Variants in GNA13 observed in about 807,000 individuals in gnomAD.
GNA13 encodes the protein guanine nucleotide-binding protein subunit alpha-13.
A neutral mutation model predicts 33.5 loss-of-function variants in GNA13; 4 were observed. That is an observed-to-expected ratio of 0.12 (90% CI 0.06 to 0.27). The LOEUF is 0.27. Among genes scored for constraint, GNA13 ranks in the 10% least tolerant of loss-of-function variants. The pLI, the probability that GNA13 is intolerant of heterozygous loss-of-function variation, is 1.00. For synonymous variants in GNA13, 176 were observed against 183.8 expected (o/e 0.96, Z 0.34); for missense variants, 319 against 487.2 (o/e 0.65, Z 3.25).
rs567716067 is a variant in GNA13, at chr17:65,011,408, T to C, written c.*2849A>G. The C allele has an allele frequency of 1.2e-4, 23 of 197,312 alleles. No individual in the cohort carries two copies. Among genetic ancestry groups the C allele is most frequent in the Admixed American group, 1.2e-4 (2 of 16,498 alleles). The allele number at this position is 197,312 out of a possible 1,614,324, so 12.2% of individuals were successfully genotyped here. On this transcript the variant is annotated 3_prime_UTR_variant, in exon 4 of 4. Transcript: ENST00000439174. ...CCAGTGCCCTTTCCAGATAATAAAATTGAAATGAAGATTTCAATTTAATAT... is the reference window on the plus strand; with the variant it reads ...CCAGTGCCCTTTCCAGATAATAAAACTGAAATGAAGATTTCAATTTAATAT...
intron 2 of GNA13, among the ~76,000 whole-genome samples, chr17:65,045,461 C>G (rs1907624410): frequency 7.9e-6 from 1 of 127,126 alleles, no homozygotes; most frequent in African/African-American, 2.9e-5. Flanking sequence ...ATGCAATGAG[C>G]TGGGATCAGG....
At chr17:65,037,686 C>T (rs144831402) in intron 2 of GNA13, among the ~76,000 whole-genome samples, 111 of 139,442 alleles carry the variant, frequency 8.0e-4, no homozygotes, top group African/African-American at 2.8e-3. Flanking sequence ...AATCCCAACA[C>T]ATTGGGAGGC....
chr17:65,048,788 T>G (rs887765567), intron 2 of GNA13, among the ~76,000 whole-genome samples: 1 of 152,228 alleles, frequency 6.6e-6, no homozygotes, highest in Non-Finnish European at 1.5e-5. Context: ...GGCAAAATGT[T>G]AAGTCATGTA....
intron 1 of GNA13, among the ~76,000 whole-genome samples, chr17:65,056,064 C>A (rs766020667): frequency 6.6e-6 from 1 of 151,902 alleles, no homozygotes; most frequent in Non-Finnish European, 1.5e-5. Flanking sequence ...GGGGGAATGG[C>A]CGTGACGCCC....
intron 2 of GNA13, among the ~76,000 whole-genome samples, chr17:65,044,549 C>T (rs1006908002): frequency 6.6e-6 from 1 of 151,864 alleles, no homozygotes; most frequent in Non-Finnish European, 1.5e-5. Flanking sequence ...GCCTGTAGTC[C>T]CAGCACTTTG....
chr17:65,052,255 G>A (rs1907883088), intron 2 of GNA13: 1 of 152,270 alleles, frequency 6.6e-6, no homozygotes, highest in Non-Finnish European at 1.5e-5. Flanking sequence ...CAGAGTTCAA[G>A]CGAGTCTCCT....
At chr17:65,046,003 T>C (rs1226223238) in intron 2 of GNA13, among the ~76,000 whole-genome samples, 1 of 152,190 alleles carries the variant, frequency 6.6e-6, no homozygotes, top group Non-Finnish European at 1.5e-5. Flanking sequence ...CTGCGGTGTC[T>C]ATTCTATTAT....
chr17:65,038,351 C>T (rs1907334814), intron 2 of GNA13, among the ~76,000 whole-genome samples: 1 of 151,372 alleles, frequency 6.6e-6, no homozygotes, highest in Admixed American at 6.6e-5. Context: ...TGCAGTGAGC[C>T]AAGATTGCAC....
chr17:65,033,086 G>T (rs1480973767), intron 2 of GNA13, among the ~76,000 whole-genome samples: 5 of 151,726 alleles, frequency 3.3e-5, no homozygotes, highest in African/African-American at 7.3e-5. Context: ...ACTCTAGCCT[G>T]GGCAACAGAG....
chr17:65,025,528 C>T (rs561323521), intron 2 of GNA13, among the ~76,000 whole-genome samples: 6 of 152,162 alleles, frequency 3.9e-5, no homozygotes, highest in South Asian at 2.1e-4. Flanking sequence ...CTGAGAAGCG[C>T]GGATGGGAAA....
chr17:65,033,496 T>A (rs954488410), intron 2 of GNA13, among the ~76,000 whole-genome samples: 11 of 149,960 alleles, frequency 7.3e-5, no homozygotes, highest in Non-Finnish European at 1.3e-4. Flanking sequence ...TTAAAAAAAA[T>A]AATTAAAAAA....
At position 65,014,844 on chromosome 17, in the gene GNA13, A is replaced by G; in HGVS notation, c.562-15T>C. 6.4e-7 allele frequency: 1 copy of G among 1,563,468 alleles called. No individual in the cohort carries two copies. The highest frequency in any genetic ancestry group is 8.8e-7 in the Non-Finnish European group (1 of 1,142,608). ...GGAATATAATCCTGGAAAAGAAAAA[A>G]CTTGTTTTATACCTATTAATCCCGA... is the stretch of plus-strand genomic sequence containing the variant. On this transcript the variant is annotated splice_polypyrimidine_tract_variant and intron_variant, in intron 3 of 3. Coordinates refer to ENST00000439174, the MANE Select transcript of GNA13 (RefSeq NM_006572.6). This position sits in a 1 kb window ranked among gnomAD's most constrained non-coding sequence, Gnocchi z 5.3.
intron 2 of GNA13, among the ~76,000 whole-genome samples, chr17:65,020,808 G>A (rs527770960): frequency 3.3e-5 from 5 of 151,824 alleles, no homozygotes; most frequent in East Asian, 1.9e-4. Flanking sequence ...GTGCCTCCGC[G>A]CCTGGCTAAT....
At chr17:65,017,660 T>C (rs1003868968) in intron 3 of GNA13, among the ~76,000 whole-genome samples, 1 of 152,148 alleles carries the variant, frequency 6.6e-6, no homozygotes, top group African/African-American at 2.4e-5. Context: ...TAGACTCTCT[T>C]TTCAAGGGCG....
rs928241556 is a variant in GNA13 at position 65,012,285 on chromosome 17, C to A, written c.*1972G>T. ...CCCTCACTGGAGTCAAATGTTTTGG[C>A]CATTCAATTTGCTAAATGTATGGGT... On this transcript the variant is annotated 3_prime_UTR_variant, in exon 4 of 4. Transcript: ENST00000439174. 6 of 222,898 alleles carry A rather than the reference C, an allele frequency of 2.7e-5. No homozygotes were observed. Among genetic ancestry groups the A allele is most frequent in the Non-Finnish European group, 5.4e-5 (6 of 111,684 alleles). The allele number at this position is 222,898 out of a possible 1,614,324, so 13.8% of individuals were successfully genotyped here. A position where few individuals can be genotyped will look rare whatever the true frequency, so the allele number is the denominator to read the frequency against.
At chr17:65,052,433 C>A (rs1907889177) in intron 2 of GNA13, among the ~76,000 whole-genome samples, 1 of 152,250 alleles carries the variant, frequency 6.6e-6, no homozygotes, top group East Asian at 1.9e-4. Context: ...GGATTACAGG[C>A]ATGAGCCACC....
At chr17:65,041,484 C>T (rs903587886) in intron 2 of GNA13, among the ~76,000 whole-genome samples, 1 of 150,972 alleles carries the variant, frequency 6.6e-6, no homozygotes, top group African/African-American at 2.4e-5. Context: ...TAAGATCTCA[C>T]AAAAAACATG....
At chr17:65,040,125 C>T (rs1907401032) in intron 2 of GNA13, among the ~76,000 whole-genome samples, 1 of 150,634 alleles carries the variant, frequency 6.6e-6, no homozygotes, top group East Asian at 1.9e-4. Flanking sequence ...GCCAACTGTG[C>T]AAAATACTGT....
intron 2 of GNA13, 139 bp from the exon 3 acceptor site, chr17:65,018,442 T>C: frequency 1.6e-6 from 1 of 634,030 alleles, no homozygotes; most frequent in South Asian, 1.9e-5. Flanking sequence ...CAGCTAACCT[T>C]CCTAAAAACA....
Sources: gnomAD v4.1 joint callset for allele counts (sites outside exome capture counted in the v4.1 genomes callset) on GRCh38, gnomAD v4.1.1 for gene constraint, Gnocchi (gnomAD v3.1) non-coding constraint, MANE v1.5 for transcripts, NCBI Gene and HGNC (gene_info 2026-07-23, HGNC 2026-07-21) for gene names.